The following LRP1B variants were observed in gnomAD, a reference collection of about 807,000 sequenced individuals.
LRP1B encodes LDL receptor related protein 1B, also known as low-density lipoprotein receptor-related protein 1B.
LRP1B carries 217 observed loss-of-function variants against 556.6 expected under a neutral mutation model. That is an observed-to-expected ratio of 0.39 (90% CI 0.35 to 0.44). LRP1B has a LOEUF of 0.44. LRP1B is among the 20% of genes least tolerant of loss of function. The pLI is 1.00. For synonymous variants in LRP1B, 2,047 were observed against 1,865.8 expected, an observed-to-expected ratio of 1.10 and a Z score of -2.50; for missense variants, 5,053 against 5,620.8, an observed-to-expected ratio of 0.90 and a Z score of 3.23.
At chr2:140,722,699 G>A (rs1687455479) in intron 35 of LRP1B, among the ~76,000 whole-genome samples, 1 of 152,172 alleles carries the variant, frequency 6.6e-6, no homozygotes, top group South Asian at 2.1e-4. Context: ...TTAATAATAA[G>A]TTGTTTATTA....
chr2:141,699,154 T>C (rs1053640426), intron 2 of LRP1B, among the ~76,000 whole-genome samples: 1 of 151,676 alleles, frequency 6.6e-6, no homozygotes, highest in Non-Finnish European at 1.5e-5. Flanking sequence ...AAAAACCCAA[T>C]ATTTCCCAGC....
intron 3 of LRP1B, among the ~76,000 whole-genome samples, chr2:141,366,445 T>C (rs1689037182): frequency 1.3e-5 from 2 of 152,242 alleles, no homozygotes; most frequent in Admixed American, 1.3e-4. Flanking sequence ...AATACGTCTA[T>C]TGTTTTTTGT....
At chr2:141,741,717 C>T (rs1693713174) in intron 2 of LRP1B, among the ~76,000 whole-genome samples, 1 of 152,022 alleles carries the variant, frequency 6.6e-6, no homozygotes, top group South Asian at 2.1e-4. Context: ...GGTAGTTTGC[C>T]AATAATTTCT....
At chr2:140,987,281 C>T (rs1182808311) in intron 17 of LRP1B, among the ~76,000 whole-genome samples, 1 of 152,082 alleles carries the variant, frequency 6.6e-6, no homozygotes, top group Non-Finnish European at 1.5e-5. Flanking sequence ...CTTCATCTGG[C>T]AGCTCTTAAG....
intron 41 of LRP1B, among the ~76,000 whole-genome samples, chr2:140,648,437 T>TA (rs928516219): frequency 1.3e-4 from 20 of 150,096 alleles, no homozygotes; most frequent in East Asian, 5.9e-4. Flanking sequence ...TAAAGTATAA[T>TA]AAAAAAAAAT....
chr2:141,761,314 T>C (rs1485984844), intron 2 of LRP1B, among the ~76,000 whole-genome samples: 1 of 151,616 alleles, frequency 6.6e-6, no homozygotes, highest in Non-Finnish European at 1.5e-5. Flanking sequence ...TGTTCATATA[T>C]CCTTTATTTA....
intron 3 of LRP1B, among the ~76,000 whole-genome samples, chr2:141,259,740 A>G (rs1684616325): frequency 6.6e-6 from 1 of 152,240 alleles, no homozygotes; most frequent in African/African-American, 2.4e-5. Context: ...GATGATGGGT[A>G]CATGACTAAA....
At chr2:141,582,639 C>T (rs1488353888) in intron 2 of LRP1B, among the ~76,000 whole-genome samples, 4 of 150,868 alleles carry the variant, frequency 2.7e-5, no homozygotes, top group Admixed American at 6.6e-5. Context: ...GTGAACTTTA[C>T]CCTGGGAAGG....
rs2105385955 is a variant in LRP1B at position 141,013,737 on chromosome 2, G to A, written c.2199C>T (p.Tyr733=). The change falls in exon 14 of 91, where the codon TAC becomes TAT. Residue 733 remains tyrosine, a synonymous_variant. Coordinates refer to ENST00000389484, the MANE Select transcript of LRP1B (RefSeq NM_018557.3). ...AAGGGTGGTTCAACTCTCTCCCACT[G>A]TAAACAATCTGTAAAATATAAACAC... ...FLNGTHRKIV[Y]SGRELNHPFG... The A allele has an allele frequency of 1.9e-6, 3 of 1,558,888 alleles. No individual in the cohort carries two copies. Among genetic ancestry groups the A allele is most frequent in the Admixed American group, 2.0e-5 (1 of 50,648 alleles).
chr2:141,364,526 C>A (rs1014617974), intron 3 of LRP1B, among the ~76,000 whole-genome samples: 1 of 152,052 alleles, frequency 6.6e-6, no homozygotes, highest in African/African-American at 2.4e-5. Flanking sequence ...AATCAGAATC[C>A]AAGAAGTGAC....
At chr2:141,080,320 A>G (rs758968630) in intron 7 of LRP1B, among the ~76,000 whole-genome samples, 30 of 152,130 alleles carry the variant, frequency 2.0e-4, no homozygotes, top group Middle Eastern at 3.4e-3. Context: ...TCCTAACTTT[A>G]TGTAGTTAGC....
Position 141,810,269 on chromosome 2 carries a change from T to C in LRP1B, c.205+10A>G, listed in dbSNP as rs754908507. 1 of 1,612,492 alleles carries C rather than the reference T, an allele frequency of 6.2e-7. No homozygotes were observed. The highest frequency in any genetic ancestry group is 1.7e-5 in the Admixed American group (1 of 59,870). On this transcript the variant is annotated intron_variant, in intron 2 of 90. Transcript: ENST00000389484. Reference sequence around the variant, plus strand: ...GTAAATCCGAATGGCATGAGAACCTTTCTACTCACAGGTATCTAAAGACTC... The same window carrying C: ...GTAAATCCGAATGGCATGAGAACCTCTCTACTCACAGGTATCTAAAGACTC...
At chr2:140,599,334 G>T (rs1433992406) in intron 42 of LRP1B, among the ~76,000 whole-genome samples, 1 of 152,004 alleles carries the variant, frequency 6.6e-6, no homozygotes, top group African/African-American at 2.4e-5. Context: ...TTTGGAGAAA[G>T]AAAATTACTA....
chr2:140,545,057 C>T (rs1226975304), intron 43 of LRP1B, among the ~76,000 whole-genome samples: 1 of 150,978 alleles, frequency 6.6e-6, no homozygotes, highest in African/African-American at 2.4e-5. Context: ...TCATGTTGAG[C>T]TTTTTTTCAT....
At chr2:140,587,336 A>G (rs1435507501) in intron 43 of LRP1B, among the ~76,000 whole-genome samples, 3 of 152,224 alleles carry the variant, frequency 2.0e-5, no homozygotes, top group Non-Finnish European at 2.9e-5. Context: ...GGCAAGAGAC[A>G]TATACCTACA....
At chr2:141,824,557 G>T (rs1045014168) in intron 1 of LRP1B, among the ~76,000 whole-genome samples, 7 of 152,130 alleles carry the variant, frequency 4.6e-5, no homozygotes, top group Non-Finnish European at 1.0e-4. Flanking sequence ...AGTAGAGACG[G>T]GGTTTCACCG....
intron 2 of LRP1B, among the ~76,000 whole-genome samples, chr2:141,580,374 C>A (rs1686920750): frequency 6.6e-6 from 1 of 152,172 alleles, no homozygotes; most frequent in Admixed American, 6.5e-5. Context: ...AGAGCACTAT[C>A]AACCTGCTTT....
At chr2:141,544,336 TC>T (rs1490043628) in intron 2 of LRP1B, among the ~76,000 whole-genome samples, 1,533 of 76,754 alleles carry the variant, frequency 0.02, 43 homozygotes, top group Middle Eastern at 0.049. Flanking sequence ...TTCTTCTTCT[TC>T]TTCTTCTTCT....
intron 66 of LRP1B, among the ~76,000 whole-genome samples, chr2:140,410,850 C>G (rs566099112): frequency 1.3e-5 from 2 of 152,236 alleles, no homozygotes; most frequent in East Asian, 3.9e-4. Flanking sequence ...TCATTGTCAT[C>G]AGATTAATGT....
Sources: gnomAD v4.1 joint callset for allele counts (sites outside exome capture counted in the v4.1 genomes callset) on GRCh38, gnomAD v4.1.1 for gene constraint, MANE v1.5 for transcripts, NCBI Gene and HGNC (gene_info 2026-07-23, HGNC 2026-07-21) for gene names.